The following MINK1 variants were observed in gnomAD, a reference collection of about 807,000 sequenced individuals.
MINK1 encodes the protein misshapen like kinase 1, also known as misshapen-like kinase 1.
Under a neutral mutation model 178.4 loss-of-function variants are expected in MINK1, and 46 were observed. The ratio of observed to expected loss-of-function variants is 0.26; its 90% confidence interval spans 0.20 to 0.33. MINK1 has a LOEUF of 0.33. Among genes scored for constraint, MINK1 ranks in the 10% least tolerant of loss-of-function variants. The pLI, the probability that MINK1 is intolerant of heterozygous loss-of-function variation, is 1.00. For missense variants in MINK1, 1,366 were observed against 1,814.9 expected (o/e 0.75, Z 4.49); for synonymous variants, 797 against 709.7 (o/e 1.12, Z -1.96).
In MINK1 at chr17:4,892,425, A is replaced by T. The variant is rs770055605; in HGVS notation, c.2111A>T (p.Gln704Leu). The T allele has an allele frequency of 6.6e-7, 1 of 1,509,986 alleles. No homozygotes were observed. The highest frequency in any genetic ancestry group is 8.9e-7 in the Non-Finnish European group (1 of 1,126,074). The allele number at this position is 1,509,986 out of a possible 1,614,324, so 93.5% of individuals were successfully genotyped here. The change falls in exon 18 of 32, where the codon CAA (glutamine) becomes CTA (leucine). Residue 704 changes from glutamine (Q) to leucine (L), a missense_variant. This residue lies in a region of MINK1 where 709 missense variants were observed against 692.3 expected (regional missense o/e 1.02). Coordinates refer to ENST00000355280, the MANE Select transcript of MINK1 (RefSeq NM_153827.5). ...AGACCTCGCAGCAACTCCGCCTGGC[A>T]AATCTATCTGCAAAGGCGGGCAGAG... The part of the protein sequence containing the change: ...RARPRSNSAW[Q>L]IYLQRRAERG...
Position 4,897,248 on chromosome 17 carries a change from C to T in MINK1, c.3960C>T (p.Tyr1320=). The T allele has an allele frequency of 1.9e-6, 3 of 1,613,826 alleles. No homozygotes were observed. The highest frequency in any genetic ancestry group is 1.1e-5 in the South Asian group (1 of 91,080). ...GCTCTGGGGGCAGCAGCCAAGTTTA[C>T]TTCATGACTCTGAACCGTAACTGCA... The part of the protein sequence containing the change: ...SVRSGGSSQV[Y]FMTLNRNCIM... The change falls in exon 32 of 32, where the codon TAC becomes TAT. Residue 1320 remains tyrosine, a synonymous_variant. Coordinates refer to ENST00000355280, the MANE Select transcript of MINK1 (RefSeq NM_153827.5).
chr17:4,841,041 G>C (rs1335179698), intron 1 of MINK1, among the ~76,000 whole-genome samples: 2 of 152,110 alleles, frequency 1.3e-5, no homozygotes, highest in Admixed American at 6.5e-5. Context: ...TTTGACAGAG[G>C]AGATAGCTGA....
At chr17:4,846,377 C>T (rs1188385562) in intron 1 of MINK1, among the ~76,000 whole-genome samples, 2 of 152,202 alleles carry the variant, frequency 1.3e-5, no homozygotes, top group East Asian at 1.9e-4. Context: ...TGCCCAATAC[C>T]GAATGGCCCT....
chr17:4,850,298 T>A (rs1911733414), intron 1 of MINK1, among the ~76,000 whole-genome samples: 2 of 152,178 alleles, frequency 1.3e-5, no homozygotes, highest in Non-Finnish European at 2.9e-5. Context: ...TTTCTTAGGA[T>A]AAACAGGAGA....
Position 4,880,043 on chromosome 17 carries a change from G to A in MINK1, c.124-941G>A, listed in dbSNP as rs368459127. On this transcript the variant is annotated intron_variant, in intron 2 of 31. Coordinates refer to ENST00000355280, the MANE Select transcript of MINK1 (RefSeq NM_153827.5). ...GTTAGGGTGGAGAAGTATCTTTCAC[G>A]CCCTGCTCTAACTTTCAGACTGTAG... 1.2e-4 allele frequency among the ~76,000 whole-genome samples: 19 copies of A among 152,168 alleles called. 1 individual carries two copies. Among genetic ancestry groups the A allele is most frequent in the African/African-American group, 2.6e-4 (11 of 41,522 alleles).
Position 4,894,543 on chromosome 17 carries a change from G to T in MINK1, c.2827G>T (p.Val943Leu). The T allele has an allele frequency of 6.2e-7, 1 of 1,605,320 alleles. No individual in the cohort carries two copies. The highest frequency in any genetic ancestry group is 8.5e-7 in the Non-Finnish European group (1 of 1,175,830). Residue 943 changes from valine to leucine, a missense_variant, in exon 24 of 32, where the codon GTA becomes TTA. Val to Leu is a conservative substitution (Grantham distance 32). Transcript: ENST00000355280. The surrounding 1 kb of genome is among the most constrained non-coding windows in gnomAD (Gnocchi z 4.1). ...ACCACAGTACCAGTCTCGTGGGCTG[G>T]TAAAGGCCCCTGGCAAGAGCTCGTT... ...GSGDYQSRGL[V>L]KAPGKSSFTM...
intron 12 of MINK1, among the ~76,000 whole-genome samples, chr17:4,889,401 G>A (rs922507439): frequency 3.9e-5 from 6 of 152,110 alleles, no homozygotes; most frequent in Admixed American, 3.3e-4. Context: ...GTGTTGTCTA[G>A]CTAAGCCCAC....
At position 4,840,154 on chromosome 17, in the gene MINK1, G is replaced by A. The variant is rs1909998674; in HGVS notation, c.57+6514G>A. On this transcript the variant is annotated intron_variant, in intron 1 of 31. Transcript: ENST00000355280. ...ATAAGACAAAAATATCTAGTTGATT[G>A]AGAGAGACGTAAATCATGTCAGAAA... is the stretch of plus-strand genomic sequence containing the variant. 2.0e-5 allele frequency among the ~76,000 whole-genome samples: 3 copies of A among 152,114 alleles called. No homozygotes were observed. In the South Asian group the frequency reaches 6.2e-4, roughly 32 times the overall value.
chr17:4,876,110 G>A (rs1487591485), intron 1 of MINK1, among the ~76,000 whole-genome samples: 3 of 151,222 alleles, frequency 2.0e-5, no homozygotes, highest in African/African-American at 4.9e-5. Flanking sequence ...TTTTTTTTTC[G>A]TAACTTTAAC....
At chr17:4,851,138 G>C (rs1911887191) in intron 1 of MINK1, 1 of 400,678 alleles carries the variant, frequency 2.5e-6, no homozygotes, top group Non-Finnish European at 5.2e-6. Flanking sequence ...CAACAGTTTT[G>C]GTAAATCACT....
At chr17:4,857,176 AGATGGT>A (rs1197017062) in intron 1 of MINK1, 4 of 304,972 alleles carry the variant, frequency 1.3e-5, no homozygotes, top group Non-Finnish European at 2.7e-5. Context: ...ACTAGGCCAT[AGATGGT>A]GATGATACCA....
At chr17:4,846,496 C>A (rs952724262) in intron 1 of MINK1, among the ~76,000 whole-genome samples, 1 of 152,194 alleles carries the variant, frequency 6.6e-6, no homozygotes. Context: ...CAGTCTACCC[C>A]ACCCTAATGT....
At chr17:4,889,837 C>G (rs1567612074) in intron 13 of MINK1, 74 bp downstream of exon 13, 2 of 1,046,446 alleles carry the variant, frequency 1.9e-6, no homozygotes, top group Non-Finnish European at 1.3e-6. Context: ...CTCCCCGTGC[C>G]CTTCCCCCTT....
chr17:4,887,462 T>G lies in MINK1; in HGVS notation c.1020-118T>G. 1 of 982,382 alleles carries G rather than the reference T, an allele frequency of 1.0e-6. No individual in the cohort carries two copies. The highest frequency in any genetic ancestry group is 1.5e-6 in the Non-Finnish European group (1 of 674,952). The allele number at this position is 982,382 out of a possible 1,614,324, so 60.9% of individuals were successfully genotyped here. A position where few individuals can be genotyped will look rare whatever the true frequency, so the allele number is the denominator to read the frequency against. The stretch of plus-strand genomic sequence containing the variant: ...GGTAAGTCTCCTGGCCACCTGGGAG[T>G]GGCCAGAGGCAGAGGCTTTGATCCA... On this transcript the variant is annotated intron_variant, in intron 11 of 31. Coordinates refer to ENST00000355280, the MANE Select transcript of MINK1 (RefSeq NM_153827.5). The surrounding 1 kb of genome is among the most constrained non-coding windows in gnomAD (Gnocchi z 7.6).
intron 1 of MINK1, among the ~76,000 whole-genome samples, chr17:4,844,207 G>A (rs1313760451): frequency 1.3e-5 from 2 of 151,972 alleles, no homozygotes; most frequent in Non-Finnish European, 2.9e-5. Context: ...CACCATGTTG[G>A]TCAGGCTGGT....
chr17:4,889,683 GAGA>G lies in MINK1; in HGVS notation c.1270_1272del (p.Lys424del). On this transcript the variant is annotated inframe_deletion, in exon 13 of 32. Transcript: ENST00000355280. ...GGAGCGGGAGCAGCGGAAGCTGCAG[GAGA>G]AGGAGCAGCAGCGGCGGCTGGAGGA... is the stretch of plus-strand genomic sequence containing the variant. 1 of 1,563,552 alleles carries G rather than the reference GAGA, an allele frequency of 6.4e-7. No homozygotes were observed. Among genetic ancestry groups the G allele is most frequent in the Non-Finnish European group, 8.7e-7 (1 of 1,156,062 alleles).
chr17:4,896,724 A>C lies in MINK1; in HGVS notation c.3826A>C (p.Ile1276Leu). 3 of 1,604,224 alleles carry C rather than the reference A, an allele frequency of 1.9e-6. No homozygotes were observed. The highest frequency in any genetic ancestry group is 2.6e-6 in the Non-Finnish European group (3 of 1,174,286). Residue 1276 changes from isoleucine (I) to leucine (L), a missense_variant, in exon 31 of 32, where the codon ATC becomes CTC. This residue lies in a region of MINK1 where 201 missense variants were observed against 240.7 expected (regional missense o/e 0.84). Coordinates refer to ENST00000355280, the MANE Select transcript of MINK1 (RefSeq NM_153827.5). The surrounding 1 kb of genome is among the most constrained non-coding windows in gnomAD (Gnocchi z 4.6). ...IMGWGEKAIE[I>L]RSVETGHLDG... is the part of the protein sequence containing the mutation. The stretch of plus-strand genomic sequence containing the variant: ...GGGCTGGGGTGAGAAAGCCATTGAG[A>C]TCCGCTCTGTGGAGACGGGCCACCT...
At chr17:4,839,939 A>ATGTGTGTG (rs34473686) in intron 1 of MINK1, among the ~76,000 whole-genome samples, 156 of 141,988 alleles carry the variant, frequency 1.1e-3, no homozygotes, top group East Asian at 7.9e-3. Flanking sequence ...TTATTTATTA[A>ATGTGTGTG]TGTGTGTGTG....
chr17:4,884,714 G>A (rs990075528), intron 5 of MINK1, among the ~76,000 whole-genome samples, 198 bp from the exon 6 acceptor site: 2 of 152,172 alleles, frequency 1.3e-5, no homozygotes, highest in African/African-American at 4.8e-5. Flanking sequence ...GCAACTGCTG[G>A]GAATTCACCT....
Sources: gnomAD v4.1 joint callset for allele counts (sites outside exome capture counted in the v4.1 genomes callset) on GRCh38, gnomAD v4.1.1 for gene constraint, gnomAD v4.1.1 regional missense constraint, Gnocchi (gnomAD v3.1) non-coding constraint, MANE v1.5 for transcripts, NCBI Gene and HGNC (gene_info 2026-07-23, HGNC 2026-07-21) for gene names.